The following EYA4 variants were observed in gnomAD, a reference collection of about 807,000 sequenced individuals.
EYA4 encodes the protein protein phosphatase EYA4.
EYA4 carries 31 observed loss-of-function variants against 87.9 expected under a neutral mutation model. The observed-to-expected ratio is 0.35, with a 90% CI of 0.27 to 0.48. The LOEUF is 0.48. Among genes scored for constraint, EYA4 ranks in the 20% least tolerant of loss-of-function variants. The probability of loss-of-function intolerance (pLI) is 0.99; values close to 1 mark genes in which losing one functional copy is unlikely to be tolerated. For synonymous variants in EYA4, 263 were observed against 270.6 expected (o/e 0.97, Z 0.28); for missense variants, 678 against 761.4 (o/e 0.89, Z 1.29).
intron 1 of EYA4, among the ~76,000 whole-genome samples, chr6:133,264,955 T>C (rs1487341204): frequency 6.6e-6 from 1 of 152,152 alleles, no homozygotes; most frequent in African/African-American, 2.4e-5. Context: ...TTAGGTGTAC[T>C]TCTCTACAAA....
chr6:133,453,687 T>C (rs1399583303), intron 5 of EYA4: 1 of 152,140 alleles, frequency 6.6e-6, no homozygotes, highest in Non-Finnish European at 1.5e-5. Context: ...ATGTTTTATT[T>C]CTACTTTTCC....
chr6:133,523,064 G>A lies in EYA4; in HGVS notation c.1625G>A (p.Cys542Tyr), dbSNP rs1463575941. The A allele has an allele frequency of 1.2e-6, 2 of 1,611,014 alleles. No homozygotes were observed. The highest frequency in any genetic ancestry group is 1.7e-6 in the Non-Finnish European group (2 of 1,177,624). Residue 542 changes from cysteine to tyrosine, a missense_variant, in exon 18 of 20, where the codon TGC becomes TAC. Coordinates refer to ENST00000355286, the MANE Select transcript of EYA4 (RefSeq NM_004100.5). ...SLSIISTRSN[C>Y]INVLVTTTQL... ...TTTCCTCCCTATTTTAGGAGTAACT[G>A]CATAAATGTCTTGGTAACGACAACT...
chr6:133,391,142 T>C (rs576745547), intron 3 of EYA4, among the ~76,000 whole-genome samples: 2 of 152,300 alleles, frequency 1.3e-5, no homozygotes, highest in East Asian at 1.9e-4. Flanking sequence ...AGGACTCTTA[T>C]TGGTTGCAGC....
chr6:133,331,884 A>C (rs764519913), intron 2 of EYA4, among the ~76,000 whole-genome samples: 16 of 152,236 alleles, frequency 1.1e-4, no homozygotes, highest in Non-Finnish European at 2.2e-4. Flanking sequence ...TAGGTAATGC[A>C]GTCACATTTT....
chr6:133,358,408 A>G lies in EYA4; in HGVS notation c.34-23984A>G, dbSNP rs141159390. On this transcript the variant is annotated intron_variant, in intron 2 of 19. Transcript: ENST00000355286. ...ACAGGCTCAAATGAGAAAATTAATAAGTTAATTTTAAAAACTCCCTTTTTG... is the reference window on the plus strand; with the variant it reads ...ACAGGCTCAAATGAGAAAATTAATAGGTTAATTTTAAAAACTCCCTTTTTG... 3.4e-3 allele frequency among the ~76,000 whole-genome samples: 525 copies of G among 152,298 alleles called. 2 individuals carry two copies. The highest frequency in any genetic ancestry group is 0.012 in the African/African-American group (492 of 41,554).
chr6:133,489,260 A>C (rs1796937003), intron 13 of EYA4, among the ~76,000 whole-genome samples: 1 of 152,184 alleles, frequency 6.6e-6, no homozygotes, highest in Admixed American at 6.5e-5. Context: ...CAAGATCTAG[A>C]AAATAGCCTC....
chr6:133,335,018 A>G (rs531774285), intron 2 of EYA4, among the ~76,000 whole-genome samples: 1 of 152,356 alleles, frequency 6.6e-6, no homozygotes, highest in Non-Finnish European at 1.5e-5. Context: ...AGCTTTTGCT[A>G]TGGTACAATG....
At chr6:133,319,268 G>A (rs1247546105) in intron 2 of EYA4, among the ~76,000 whole-genome samples, 2 of 152,206 alleles carry the variant, frequency 1.3e-5, no homozygotes, top group African/African-American at 2.4e-5. Flanking sequence ...TCAGAACAAG[G>A]CATAAGCCGG....
intron 3 of EYA4, among the ~76,000 whole-genome samples, chr6:133,406,032 ACCT>A (rs1169428628): frequency 1.1e-3 from 168 of 152,120 alleles, no homozygotes; most frequent in Non-Finnish European, 1.9e-3. Context: ...CTACCTACCT[ACCT>A]ACCTACCTAT....
chr6:133,462,263 C>A, intron 7 of EYA4, 72 bp from the exon 8 acceptor site: 1 of 1,482,896 alleles, frequency 6.7e-7, no homozygotes, highest in Non-Finnish European at 9.4e-7. Context: ...TATAGGGTTT[C>A]ACTGAATCTA....
intron 3 of EYA4, among the ~76,000 whole-genome samples, chr6:133,441,955 A>G (rs977103598): frequency 2.0e-5 from 3 of 151,870 alleles, no homozygotes; most frequent in Non-Finnish European, 4.4e-5. Context: ...TATATGTTAT[A>G]TACATATATG....
At chr6:133,469,859 G>A (rs1795175183) in intron 11 of EYA4, among the ~76,000 whole-genome samples, 1 of 151,864 alleles carries the variant, frequency 6.6e-6, no homozygotes, top group Non-Finnish European at 1.5e-5. Context: ...TCAAAAAATT[G>A]TAAAGAACTT....
At chr6:133,509,507 CAAA>C (rs1798953690) in intron 14 of EYA4, among the ~76,000 whole-genome samples, 1 of 151,762 alleles carries the variant, frequency 6.6e-6, no homozygotes, top group South Asian at 2.1e-4. Context: ...TTAAAAGATA[CAAA>C]TTTAAATCCT....
Position 133,464,842 on chromosome 6 carries a change from T to G in EYA4, c.788T>G (p.Phe263Cys). 1 of 1,609,758 alleles carries G rather than the reference T, an allele frequency of 6.2e-7. No homozygotes were observed. Among genetic ancestry groups the G allele is most frequent in the Non-Finnish European group, 8.5e-7 (1 of 1,176,762 alleles). ...AATTCAGTTTCCAATTCAACGAATT[T>G]CAGTGGTTCACAACAGGTATAGTAG... ...ANNSVSNSTN[F>C]SGSQQDYPSY... The change falls in exon 10 of 20, where the codon TTC becomes TGC. Residue 263 changes from phenylalanine (F) to cysteine (C), a missense_variant. By Grantham distance (205) the Phe-to-Cys change is radical. Transcript: ENST00000355286.
chr6:133,302,259 C>T (rs1779469271), intron 2 of EYA4, among the ~76,000 whole-genome samples: 1 of 151,926 alleles, frequency 6.6e-6, no homozygotes, highest in Non-Finnish European at 1.5e-5. Flanking sequence ...AAAGATTTCT[C>T]TAGCAATGGT....
rs532055269 is a variant in EYA4, at chr6:133,425,703, TCTAA to T, written c.84-20923_84-20920del. On this transcript the variant is annotated intron_variant, in intron 3 of 19. Coordinates refer to ENST00000355286, the MANE Select transcript of EYA4 (RefSeq NM_004100.5). ...GCCGCTATGACTGCTTTAGTTTAGCTCTAACTATCTCTTAGCTCAGCACTTAGTC... is the reference window on the plus strand; with the variant it reads ...GCCGCTATGACTGCTTTAGTTTAGCTCTATCTCTTAGCTCAGCACTTAGTC... Among the ~76,000 whole-genome samples the T allele has an allele frequency of 6.6e-5, 10 of 150,828 alleles. 1 individual carries two copies. The East Asian group carries it at 7.9e-4, about 12-fold the overall frequency.
chr6:133,364,107 G>A (rs1162509870), intron 2 of EYA4, among the ~76,000 whole-genome samples: 1 of 152,206 alleles, frequency 6.6e-6, no homozygotes, highest in Non-Finnish European at 1.5e-5. Context: ...TCTGTGCTCA[G>A]TGTTCACAAT....
chr6:133,316,374 A>G lies in EYA4; in HGVS notation c.33+41561A>G, dbSNP rs188189186. On this transcript the variant is annotated intron_variant, in intron 2 of 19. Coordinates refer to ENST00000355286, the MANE Select transcript of EYA4 (RefSeq NM_004100.5). ...GTAAAAATCTGACAGTTGTACTTAC[A>G]TAATAGTTACATAATCAGCTACTTA... Among the ~76,000 whole-genome samples, 7 of 152,296 alleles carry G rather than the reference A, an allele frequency of 4.6e-5. No homozygotes were observed. The East Asian group carries it at 9.7e-4, about 21-fold the overall frequency.
chr6:133,344,277 G>C (rs1783035182), intron 2 of EYA4, among the ~76,000 whole-genome samples: 1 of 152,194 alleles, frequency 6.6e-6, no homozygotes, highest in Non-Finnish European at 1.5e-5. Context: ...TTTAAAATAG[G>C]TGAACTAGAT....
Sources: allele counts gnomAD v4.1 joint callset (sites outside exome capture counted in the v4.1 genomes callset), GRCh38; gene constraint gnomAD v4.1.1; transcripts MANE v1.5; gene names NCBI Gene and HGNC (gene_info 2026-07-23, HGNC 2026-07-21).